MMP28: variants seen among roughly 807,000 people sequenced by gnomAD.
The protein encoded by MMP28 is matrix metallopeptidase 28, also known as matrix metalloproteinase-28.
MMP28 carries 55 observed loss-of-function variants against 60.5 expected under a neutral mutation model. The observed-to-expected ratio is 0.91, with a 90% CI of 0.73 to 1.14. The LOEUF (loss-of-function observed/expected upper bound fraction) is 1.14. Ranked by LOEUF, MMP28 falls within the 50% of genes most tolerant of loss-of-function variation. The probability of loss-of-function intolerance (pLI) is 0.00; values close to 1 mark genes in which losing one functional copy is unlikely to be tolerated. For synonymous variants in MMP28, 318 were observed against 312.5 expected (o/e 1.02, Z -0.18); for missense variants, 686 against 738.3 (o/e 0.93, Z 0.82).
chr17:35,776,075 C>T (rs868114096), intron 3 of MMP28, among the ~76,000 whole-genome samples: 4 of 151,922 alleles, frequency 2.6e-5, no homozygotes, highest in Non-Finnish European at 4.4e-5. Context: ...GGGGTTTCAC[C>T]GTGTTAGCCA....
chr17:35,772,792 G>A (rs988752357), intron 4 of MMP28, among the ~76,000 whole-genome samples: 5 of 152,194 alleles, frequency 3.3e-5, no homozygotes, highest in African/African-American at 9.7e-5. Flanking sequence ...GGTAGTTGGG[G>A]GTGGGGGAGC....
In MMP28 at chr17:35,760,836, G is replaced by C. The variant is rs1482751247; in HGVS notation, c.266-4417C>G. On this transcript the variant is annotated intron_variant, in intron 2 of 2. Coordinates refer to the MMP28 transcript ENST00000615317. ...AGGTGAGGTTCTAGCCCCACCCCTTGTGACCTAATAGAGGCCCTAGACATG... is the reference window on the plus strand; with the variant it reads ...AGGTGAGGTTCTAGCCCCACCCCTTCTGACCTAATAGAGGCCCTAGACATG... 2.9e-6 allele frequency: 4 copies of C among 1,384,564 alleles called. No homozygotes were observed. In the Admixed American group the frequency reaches 7.5e-5, roughly 26 times the overall value. 85.8% of individuals were successfully genotyped at this position (1,384,564 alleles called of 1,614,324 possible). A position where few individuals can be genotyped will look rare whatever the true frequency, so the allele number is the denominator to read the frequency against.
intron 1 of MMP28, among the ~76,000 whole-genome samples, chr17:35,790,366 T>C (rs1223808783): frequency 6.6e-6 from 1 of 151,936 alleles, no homozygotes; most frequent in Non-Finnish European, 1.5e-5. Flanking sequence ...CACCCAGGCT[T>C]TTGCAAAATT....
chr17:35,787,890 T>C (rs1237922796), intron 1 of MMP28, among the ~76,000 whole-genome samples: 1 of 150,406 alleles, frequency 6.6e-6, no homozygotes, highest in South Asian at 2.1e-4. Context: ...TCACTCTTTT[T>C]TTCTTTCCCT....
chr17:35,786,853 T>C (rs747048864), intron 1 of MMP28, among the ~76,000 whole-genome samples: 14 of 152,084 alleles, frequency 9.2e-5, no homozygotes, highest in Non-Finnish European at 1.5e-4. Flanking sequence ...ACAATGATCT[T>C]GCAAGAATAT....
chr17:35,779,147 G>A, intron 2 of MMP28, 72 bp from the exon 3 acceptor site: 5 of 1,572,306 alleles, frequency 3.2e-6, no homozygotes, highest in Non-Finnish European at 3.5e-6. Flanking sequence ...GCCTCCCTGG[G>A]GTGTAGCCAG....
At chr17:35,785,443 G>A (rs2086618866) in intron 1 of MMP28, among the ~76,000 whole-genome samples, 1 of 151,964 alleles carries the variant, frequency 6.6e-6, no homozygotes, top group African/African-American at 2.4e-5. Context: ...ATAAAATTAG[G>A]AGGTTGGATT....
rs758580171 is a variant in MMP28, at chr17:35,767,837, TG to T, written c.1082del (p.Pro361HisfsTer20). The T allele has an allele frequency of 2.5e-6, 4 of 1,612,052 alleles. No homozygotes were observed. In the African/African-American group the frequency reaches 5.3e-5, roughly 22 times the overall value. ...GCAGCCCGACCCATCTTTCCTGCAG[TG>T]GACGGGGCTCTGAGACGTTGCCATC... Reference protein sequence around the residue: ...AADGNVSEPRPLQERWVGLPP... With the variant: ...AADGNVSEPRXLQERWVGLPP... On this transcript the variant is annotated frameshift_variant, in exon 7 of 8. Transcript: ENST00000605424. LOFTEE classifies it high-confidence loss of function.
intron 1 of MMP28, among the ~76,000 whole-genome samples, chr17:35,787,121 T>A (rs1021116797): frequency 6.6e-6 from 1 of 152,212 alleles, no homozygotes; most frequent in African/African-American, 2.4e-5. Flanking sequence ...CTGGGGTGTT[T>A]CTGGCTGGAT....
rs1555602919 is a variant in MMP28, at chr17:35,765,932, T to G, written c.*568A>C. ...CAGCCCCAGACAAAAAGCCAGGGAC[T>G]GGTAGGCCTGCATCAGTCTCCCTCC... On this transcript the variant is annotated 3_prime_UTR_variant, in exon 8 of 8. Coordinates refer to ENST00000605424, the MANE Select transcript of MMP28 (RefSeq NM_024302.5). 1 of 985,294 alleles carries G rather than the reference T, an allele frequency of 1.0e-6. No individual in the cohort carries two copies. Among genetic ancestry groups the G allele is most frequent in the African/African-American group, 1.7e-5 (1 of 57,224 alleles). The allele number at this position is 985,294 out of a possible 1,614,324, so 61.0% of individuals were successfully genotyped here.
intron 1 of MMP28, among the ~76,000 whole-genome samples, chr17:35,781,736 T>G (rs1006126876): frequency 1.3e-5 from 2 of 152,238 alleles, no homozygotes; most frequent in Non-Finnish European, 2.9e-5. Flanking sequence ...AGGAGAATTC[T>G]TCTACCTACA....
At chr17:35,770,933 C>A (rs2086114186) in intron 4 of MMP28, among the ~76,000 whole-genome samples, 1 of 152,000 alleles carries the variant, frequency 6.6e-6, no homozygotes, top group African/African-American at 2.4e-5. Flanking sequence ...GCACCTGTAG[C>A]CCCAGCTACT....
At chr17:35,790,156 TC>T (rs2086773165) in intron 1 of MMP28, among the ~76,000 whole-genome samples, 1 of 139,826 alleles carries the variant, frequency 7.2e-6, no homozygotes, top group Non-Finnish European at 1.5e-5. Context: ...AACCTCCGCC[TC>T]CTGGGTTCAA....
chr17:35,778,586 A>C (rs897466492), intron 3 of MMP28: 11 of 495,568 alleles, frequency 2.2e-5, no homozygotes, highest in African/African-American at 2.1e-4. Context: ...ATAAATGAAA[A>C]ATGTTAGCAA....
intron 3 of MMP28, 120 bp from the exon 4 acceptor site, chr17:35,773,524 A>T: frequency 1.1e-6 from 1 of 909,342 alleles, no homozygotes; most frequent in Non-Finnish European, 1.6e-6. Context: ...CTGACGGGGA[A>T]GACACAGTTT....
At chr17:35,782,304 C>T (rs1484492493) in intron 1 of MMP28, among the ~76,000 whole-genome samples, 2 of 152,180 alleles carry the variant, frequency 1.3e-5, no homozygotes, top group Non-Finnish European at 1.5e-5. Context: ...ATCCGCCCGC[C>T]TCAGCCTACC....
intron 1 of MMP28, among the ~76,000 whole-genome samples, chr17:35,794,933 G>A (rs2086923967): frequency 6.6e-6 from 1 of 152,182 alleles, no homozygotes; most frequent in African/African-American, 2.4e-5. Flanking sequence ...GGCATCCGAC[G>A]AATGAACCTC....
intron 2 of MMP28, chr17:35,756,469 ATT>A (rs112926045): frequency 0.042 from 34,735 of 828,432 alleles, 66 homozygotes; most frequent in East Asian, 0.12. Flanking sequence ...TTCCTCTTTC[ATT>A]TTTTTTTTTT....
intron 1 of MMP28, among the ~76,000 whole-genome samples, chr17:35,790,003 C>G (rs1176532516): frequency 6.6e-6 from 1 of 150,618 alleles, no homozygotes; most frequent in Non-Finnish European, 1.5e-5. Flanking sequence ...CTCAGGTGAT[C>G]CACCTGCCTC....
Sources: allele counts gnomAD v4.1 joint callset (sites outside exome capture counted in the v4.1 genomes callset), GRCh38; gene constraint gnomAD v4.1.1; transcripts MANE v1.5; gene names NCBI Gene and HGNC (gene_info 2026-07-23, HGNC 2026-07-21).